The following AFF1 variants were observed in gnomAD, a reference collection of about 807,000 sequenced individuals.
AFF1 encodes AF4/FMR2 family member 1.
AFF1 carries 48 observed loss-of-function variants against 121.7 expected under a neutral mutation model. That is an observed-to-expected ratio of 0.39 (90% confidence interval 0.31 to 0.50). AFF1 has a LOEUF of 0.50. AFF1 is among the 20% of genes least tolerant of loss of function. AFF1 has a pLI of 0.76. For missense variants in AFF1, 1,523 were observed against 1,511.7 expected (o/e 1.01, Z -0.12); for synonymous variants, 613 against 563.0 (o/e 1.09, Z -1.26).
intron 2 of AFF1, among the ~76,000 whole-genome samples, chr4:86,950,359 C>T (rs955755307): frequency 4.6e-5 from 7 of 152,120 alleles, no homozygotes; most frequent in African/African-American, 7.2e-5. Context: ...TTGGTAGAGA[C>T]GGGGTTTCAC....
intron 5 of AFF1, among the ~76,000 whole-genome samples, chr4:87,087,854 CAATT>C (rs1723890807): frequency 6.6e-6 from 1 of 150,454 alleles, no homozygotes; most frequent in Admixed American, 6.6e-5. Context: ...GATACCTTCT[CAATT>C]AATTATTACA....
chr4:87,102,506 C>T (rs980829500), intron 8 of AFF1, among the ~76,000 whole-genome samples: 1 of 151,992 alleles, frequency 6.6e-6, no homozygotes, highest in Non-Finnish European at 1.5e-5. Flanking sequence ...GGCTGTTTTC[C>T]TCATCCTTAG....
At chr4:86,936,177 G>C (rs1469429587) in intron 1 of AFF1, 1 of 152,224 alleles carries the variant, frequency 6.6e-6, no homozygotes, top group East Asian at 1.9e-4. Context: ...ACCAGTCTCT[G>C]TTAGGGGGAA....
intron 5 of AFF1, among the ~76,000 whole-genome samples, chr4:87,089,624 G>GA (rs1194519965): frequency 6.6e-6 from 1 of 152,228 alleles, no homozygotes; most frequent in Admixed American, 6.5e-5. Context: ...GCATCGAGGA[G>GA]AGACTGCTTT....
chr4:87,120,542 C>T (rs910795699), intron 12 of AFF1, among the ~76,000 whole-genome samples: 1 of 152,200 alleles, frequency 6.6e-6, no homozygotes, highest in African/African-American at 2.4e-5. Context: ...CTCCCAGTCC[C>T]GTGAGCTTTC....
intron 2 of AFF1, among the ~76,000 whole-genome samples, chr4:87,025,004 G>T (rs1390947545): frequency 6.6e-6 from 1 of 152,176 alleles, no homozygotes; most frequent in Non-Finnish European, 1.5e-5. Context: ...CACCTCTGCT[G>T]TGAGATACCA....
rs377037065 is a variant in AFF1 at position 87,063,296 on chromosome 4, A to G, written c.1059+15702A>G. Among the ~76,000 whole-genome samples the G allele has an allele frequency of 3.3e-4, 39 of 119,944 alleles. 1 individual carries two copies. The East Asian group carries it at 7.3e-3, about 22-fold the overall frequency. 78.7% of individuals were successfully genotyped at this position (119,944 alleles called of 152,430 possible). ...CTCTTGTTGCCCAGGCTGGAGTGCA[A>G]TGGCATGATCTTGGCTCACTGCAAC... On this transcript the variant is annotated intron_variant, in intron 4 of 20. Coordinates refer to ENST00000395146, the MANE Select transcript of AFF1 (RefSeq NM_001166693.3).
chr4:87,042,887 T>C (rs1730296389), intron 2 of AFF1, among the ~76,000 whole-genome samples: 1 of 152,246 alleles, frequency 6.6e-6, no homozygotes, highest in South Asian at 2.1e-4. Flanking sequence ...AATGAAAATC[T>C]GGAAGTATGG....
chr4:87,136,117 A>ATT lies in AFF1; in HGVS notation c.*426_*427dup. On this transcript the variant is annotated 3_prime_UTR_variant, in exon 21 of 21. Transcript: ENST00000395146. ...CACGCTAGTCCATTCCCAGAAGGAA[A>ATT]TTTTTTTTTTTAACAATGACTTTTG... 3 of 216,328 alleles carry ATT rather than the reference A, an allele frequency of 1.4e-5. No homozygotes were observed. Among genetic ancestry groups the ATT allele is most frequent in the Non-Finnish European group, 1.8e-5 (2 of 108,636 alleles). 13.4% of individuals were successfully genotyped at this position (216,328 alleles called of 1,614,324 possible). A position where few individuals can be genotyped will look rare whatever the true frequency, so the allele number is the denominator to read the frequency against.
chr4:87,020,768 T>C (rs994460853), intron 2 of AFF1: 46 of 984,408 alleles, frequency 4.7e-5, no homozygotes, highest in Admixed American at 2.5e-4. Context: ...ACAGGCGGGA[T>C]TACCATGCCC....
chr4:86,999,622 G>A (rs1413744106), intron 2 of AFF1, among the ~76,000 whole-genome samples: 2 of 152,204 alleles, frequency 1.3e-5, no homozygotes, highest in Non-Finnish European at 1.5e-5. Flanking sequence ...TACACATTTA[G>A]AGAGTTACTG....
chr4:87,050,058 C>T (rs981185112), intron 4 of AFF1, among the ~76,000 whole-genome samples: 3 of 151,758 alleles, frequency 2.0e-5, no homozygotes, highest in Non-Finnish European at 4.4e-5. Context: ...CTTGTGAATC[C>T]AAGGATTATT....
chr4:87,011,956 T>C lies in AFF1; in HGVS notation c.39-34210T>C, dbSNP rs558262056. ...CGTGAAAAGATATTCCATAGCTGGA[T>C]TTACACTCTTGAAAATGGGGTTTTT... On this transcript the variant is annotated intron_variant, in intron 2 of 20. Transcript: ENST00000395146. Among the ~76,000 whole-genome samples the C allele has an allele frequency of 3.6e-3, 543 of 152,354 alleles. 7 individuals are homozygous for C. The highest frequency in any genetic ancestry group is 0.013 in the African/African-American group (522 of 41,582).
intron 2 of AFF1, among the ~76,000 whole-genome samples, chr4:87,024,231 AGTGACCCATGATTTACTG>A (rs1436781253): frequency 1.3e-5 from 2 of 152,222 alleles, no homozygotes; most frequent in Non-Finnish European, 2.9e-5. Context: ...CCATGTGGCC[AGTGACCCATGATTTACTG>A]GTGGAGCAAA....
chr4:87,054,443 C>G (rs1397318321), intron 4 of AFF1, among the ~76,000 whole-genome samples: 1 of 152,198 alleles, frequency 6.6e-6, no homozygotes, highest in African/African-American at 2.4e-5. Flanking sequence ...TCCTCCGTAG[C>G]TCATGTTTTT....
intron 4 of AFF1, among the ~76,000 whole-genome samples, chr4:87,051,194 A>G (rs546823805): frequency 5.9e-5 from 9 of 152,190 alleles, no homozygotes; most frequent in Non-Finnish European, 1.2e-4. Context: ...GTTGTAGTTA[A>G]TATCAGAGCC....
At chr4:87,134,414 A>T in intron 19 of AFF1, 57 bp from the exon 20 acceptor site, 1 of 1,446,826 alleles carries the variant, frequency 6.9e-7, no homozygotes, top group Admixed American at 2.1e-5. Context: ...TAAATCTGTG[A>T]TCCAGGGGTC....
intron 8 of AFF1, among the ~76,000 whole-genome samples, chr4:87,095,224 T>C (rs1262913053): frequency 6.6e-6 from 1 of 152,200 alleles, no homozygotes; most frequent in Non-Finnish European, 1.5e-5. Flanking sequence ...GCTCAAGCGA[T>C]TCTCATGCGT....
intron 2 of AFF1, among the ~76,000 whole-genome samples, chr4:87,031,321 T>C (rs1021866993): frequency 6.6e-6 from 1 of 152,212 alleles, no homozygotes; most frequent in Non-Finnish European, 1.5e-5. Flanking sequence ...AAGATTCAGC[T>C]CAGATGTCCC....
Sources: allele counts gnomAD v4.1 joint callset (sites outside exome capture counted in the v4.1 genomes callset), GRCh38; gene constraint gnomAD v4.1.1; transcripts MANE v1.5; gene names NCBI Gene and HGNC (gene_info 2026-07-23, HGNC 2026-07-21).